The following UBQLN1 variants were observed in gnomAD, a reference collection of about 807,000 sequenced individuals.
UBQLN1 encodes ubiquilin 1.
UBQLN1 carries 13 observed loss-of-function variants against 65.4 expected under a neutral mutation model. That is an observed-to-expected ratio of 0.20 (90% CI 0.13 to 0.32). The LOEUF (loss-of-function observed/expected upper bound fraction) is 0.32. Ranked by LOEUF, UBQLN1 falls within the 10% of genes least tolerant of loss-of-function variation. The pLI is 1.00. For missense variants in UBQLN1, 561 were observed against 724.0 expected, an observed-to-expected ratio of 0.77 and a Z score of 2.58; for synonymous variants, 267 against 247.8, an observed-to-expected ratio of 1.08 and a Z score of -0.73.
At position 83,707,953 on chromosome 9, in the gene UBQLN1, C is replaced by T. The variant is rs921197729; in HGVS notation, c.-274G>A. 5 of 479,854 alleles carry T rather than the reference C, an allele frequency of 1.0e-5. No homozygotes were observed. The highest frequency in any genetic ancestry group is 1.8e-5 in the Non-Finnish European group (5 of 275,916). 29.7% of individuals were successfully genotyped at this position (479,854 alleles called of 1,614,324 possible). ...CATCCGCAGCAGCCACCGCTTCCTC[C>T]TCCCTGCCCCTTCCCCCACGTCCCT... On this transcript the variant is annotated 5_prime_UTR_variant, in exon 1 of 11. Transcript: ENST00000376395.
chr9:83,697,703 G>GCAC (rs1418282416), intron 1 of UBQLN1, among the ~76,000 whole-genome samples: 1 of 149,388 alleles, frequency 6.7e-6, no homozygotes, highest in East Asian at 2.0e-4. Context: ...CTACAGGCAT[G>GCAC]CACCACCACA....
Position 83,707,768 on chromosome 9 carries a change from C to G in UBQLN1, c.-89G>C. 6.9e-7 allele frequency: 1 copy of G among 1,448,724 alleles called. No homozygotes were observed. Among genetic ancestry groups the G allele is most frequent in the Non-Finnish European group, 9.0e-7 (1 of 1,107,754 alleles). 89.7% of individuals were successfully genotyped at this position (1,448,724 alleles called of 1,614,324 possible). On this transcript the variant is annotated 5_prime_UTR_variant, in exon 1 of 11. Transcript: ENST00000376395. ...GCCAGCAGACACCAGAGCCGGCAGG[C>G]CTGGACAGCGAAGAATGCAGAGCAC...
intron 6 of UBQLN1, among the ~76,000 whole-genome samples, chr9:83,671,376 T>C (rs1831727370): frequency 6.6e-6 from 1 of 152,252 alleles, no homozygotes; most frequent in Non-Finnish European, 1.5e-5. Context: ...ATTAGAGGAC[T>C]CACTAAGGCA....
At chr9:83,695,364 ATTTT>A (rs1190692913) in intron 1 of UBQLN1, among the ~76,000 whole-genome samples, 1 of 151,880 alleles carries the variant, frequency 6.6e-6, no homozygotes, top group African/African-American at 2.4e-5. Context: ...ACACTGGCTA[ATTTT>A]TTTATTTTTT....
chr9:83,662,931 C>A (rs572304984), intron 10 of UBQLN1, among the ~76,000 whole-genome samples: 26 of 152,154 alleles, frequency 1.7e-4, no homozygotes, highest in African/African-American at 5.8e-4. Flanking sequence ...CAAAAATTAG[C>A]CAGGTGTGGT....
Position 83,661,838 on chromosome 9 carries a change from T to C in UBQLN1, c.1719A>G (p.Gly573=). The C allele has an allele frequency of 6.2e-7, 1 of 1,613,922 alleles. No individual in the cohort carries two copies. Among genetic ancestry groups the C allele is most frequent in the Non-Finnish European group, 8.5e-7 (1 of 1,179,842 alleles). The change falls in exon 11 of 11, where the codon GGA becomes GGG. Residue 573 remains glycine (G), a synonymous_variant. Coordinates refer to ENST00000376395, the MANE Select transcript of UBQLN1 (RefSeq NM_013438.5). ...TTTCAATAGCTGCATTGATATCACCTCCTGTTGCTATTAGAGCTTGCAAGT... is the reference window on the plus strand; with the variant it reads ...TTTCAATAGCTGCATTGATATCACCCCCTGTTGCTATTAGAGCTTGCAAGT... The part of the protein sequence containing the change: ...EANLQALIAT[G]GDINAAIERL...
At chr9:83,689,959 G>T (rs1313149733) in intron 1 of UBQLN1, among the ~76,000 whole-genome samples, 7 of 152,198 alleles carry the variant, frequency 4.6e-5, no homozygotes, top group African/African-American at 1.7e-4. Context: ...TGCACTGAAT[G>T]GTTCAGTTTA....
chr9:83,682,820 G>A (rs1831965989), intron 3 of UBQLN1, 131 bp downstream of exon 3: 2 of 483,552 alleles, frequency 4.1e-6, no homozygotes, highest in South Asian at 6.1e-5. Context: ...TTATAGGAAT[G>A]TATGTTTTTT....
chr9:83,704,952 C>T (rs1179395108), intron 1 of UBQLN1, among the ~76,000 whole-genome samples: 1 of 151,536 alleles, frequency 6.6e-6, no homozygotes, highest in East Asian at 1.9e-4. Flanking sequence ...CATATATTGA[C>T]TGAAAGGAAT....
At chr9:83,685,684 G>A (rs1269499246) in intron 2 of UBQLN1, among the ~76,000 whole-genome samples, 2 of 151,274 alleles carry the variant, frequency 1.3e-5, no homozygotes, top group East Asian at 1.9e-4. Flanking sequence ...TTGCTAAGGA[G>A]ATAAGTTACT....
chr9:83,682,935 G>T lies in UBQLN1; in HGVS notation c.448+16C>A. 1 of 1,513,992 alleles carries T rather than the reference G, an allele frequency of 6.6e-7. No individual in the cohort carries two copies. The highest frequency in any genetic ancestry group is 1.2e-5 in the South Asian group (1 of 86,734). 93.8% of individuals were successfully genotyped at this position (1,513,992 alleles called of 1,614,324 possible). On this transcript the variant is annotated intron_variant, in intron 3 of 10. Transcript: ENST00000376395. ...TATTTTTTCCCATCCCTACTGGAATGACTAAAGACACTTACCTAAACCAAA... is the reference window on the plus strand; with the variant it reads ...TATTTTTTCCCATCCCTACTGGAATTACTAAAGACACTTACCTAAACCAAA...
intron 6 of UBQLN1, among the ~76,000 whole-genome samples, chr9:83,673,577 A>C (rs1831776086): frequency 1.2e-5 from 1 of 86,628 alleles, no homozygotes; most frequent in Non-Finnish European, 2.3e-5. Context: ...ACAAAAAAAA[A>C]AAACTGCGCT....
chr9:83,665,280 T>C, intron 8 of UBQLN1, 135 bp from the exon 9 acceptor site: 2 of 559,182 alleles, frequency 3.6e-6, no homozygotes, highest in Non-Finnish European at 5.9e-6. Context: ...ATAATTTCTT[T>C]CCCAAAATAA....
At position 83,699,907 on chromosome 9, in the gene UBQLN1, G is replaced by A. The variant is rs1239430835; in HGVS notation, c.180+7593C>T. Among the ~76,000 whole-genome samples, 4 of 152,268 alleles carry A rather than the reference G, an allele frequency of 2.6e-5. No individual in the cohort carries two copies. The East Asian group carries it at 7.7e-4, about 29-fold the overall frequency. On this transcript the variant is annotated intron_variant, in intron 1 of 10. Coordinates refer to ENST00000376395, the MANE Select transcript of UBQLN1 (RefSeq NM_013438.5). ...CCTAAGGCACCCATTATAAGCAATG[G>A]CTCTTAAATTTTCATAAATTTTGTG...
At chr9:83,665,288 T>G in intron 8 of UBQLN1, 143 bp from the exon 9 acceptor site, 1 of 519,934 alleles carries the variant, frequency 1.9e-6, no homozygotes, top group Non-Finnish European at 3.3e-6. Context: ...TTTCCCAAAA[T>G]AAACGCAAGT....
chr9:83,689,461 T>C (rs562925915), intron 1 of UBQLN1, among the ~76,000 whole-genome samples: 13 of 152,334 alleles, frequency 8.5e-5, no homozygotes, highest in South Asian at 2.1e-4. Flanking sequence ...TATGACCTAA[T>C]TGAGCATACA....
chr9:83,701,583 A>G (rs956686375), intron 1 of UBQLN1, among the ~76,000 whole-genome samples: 2 of 152,222 alleles, frequency 1.3e-5, no homozygotes, highest in Non-Finnish European at 2.9e-5. Context: ...CCCAGCAAAA[A>G]TAATAATGAA....
At chr9:83,681,816 G>C (rs1231504683) in intron 3 of UBQLN1, among the ~76,000 whole-genome samples, 2 of 152,188 alleles carry the variant, frequency 1.3e-5, no homozygotes, top group African/African-American at 2.4e-5. Context: ...AAGTATAGCA[G>C]GTTCAACTTA....
Position 83,683,038 on chromosome 9 carries a change from T to C in UBQLN1, c.361A>G (p.Asn121Asp). 1 of 1,611,876 alleles carries C rather than the reference T, an allele frequency of 6.2e-7. No individual in the cohort carries two copies. The highest frequency in any genetic ancestry group is 2.2e-5 in the East Asian group (1 of 44,866). ...RPQDHSAQQT[N>D]TAGSNVTTSS... Reference sequence around the variant, plus strand: ...GTAGTAACATTGCTTCCAGCTGTATTTGTTTGCTGAGCTGAATGATCCTGA... The same window carrying C: ...GTAGTAACATTGCTTCCAGCTGTATCTGTTTGCTGAGCTGAATGATCCTGA... The change falls in exon 3 of 11, where the codon AAT becomes GAT. Residue 121 changes from asparagine (N) to aspartate (D), a missense_variant. Coordinates refer to ENST00000376395, the MANE Select transcript of UBQLN1 (RefSeq NM_013438.5).
Sources: gnomAD v4.1 joint callset for allele counts (sites outside exome capture counted in the v4.1 genomes callset) on GRCh38, gnomAD v4.1.1 for gene constraint, MANE v1.5 for transcripts, NCBI Gene and HGNC (gene_info 2026-07-23, HGNC 2026-07-21) for gene names.